PIAS1: variants seen among roughly 807,000 people sequenced by gnomAD.
PIAS1 encodes protein inhibitor of activated STAT 1.
A neutral mutation model predicts 71.3 loss-of-function variants in PIAS1; 6 were observed. The observed-to-expected ratio is 0.08, with a 90% CI of 0.05 to 0.17. The LOEUF (loss-of-function observed/expected upper bound fraction) is 0.17. PIAS1 is among the 10% of genes least tolerant of loss of function. The pLI is 1.00. For synonymous variants in PIAS1, 303 were observed against 292.9 expected (o/e 1.03, Z -0.35); for missense variants, 555 against 793.6 (o/e 0.70, Z 3.61).
chr15:68,113,235 A>G (rs2092537470), intron 2 of PIAS1, among the ~76,000 whole-genome samples: 1 of 152,188 alleles, frequency 6.6e-6, no homozygotes, highest in South Asian at 2.1e-4. Flanking sequence ...ATGTATGTAT[A>G]GGAAAATGCC....
intron 2 of PIAS1, among the ~76,000 whole-genome samples, chr15:68,139,964 A>G (rs1444810375): frequency 6.6e-6 from 1 of 152,154 alleles, no homozygotes; most frequent in Non-Finnish European, 1.5e-5. Context: ...AAAGGTTTTT[A>G]AATAGTTTTA....
At chr15:68,165,387 CTGGGACTATA>C (rs1319687461) in intron 8 of PIAS1, among the ~76,000 whole-genome samples, 4 of 152,156 alleles carry the variant, frequency 2.6e-5, no homozygotes, top group Admixed American at 6.5e-5. Context: ...TCCCAAAGTG[CTGGGACTATA>C]GGTGTGACCC....
chr15:68,101,891 C>G (rs1241988208), intron 2 of PIAS1, among the ~76,000 whole-genome samples: 1 of 152,160 alleles, frequency 6.6e-6, no homozygotes, highest in Non-Finnish European at 1.5e-5. Flanking sequence ...GTTGAGACTA[C>G]AGGTGTGTGC....
rs12438361 is a variant in PIAS1 at position 68,176,357 on chromosome 15, T to C, written c.1301-117T>C. ...AACAGAGCCACTGTTGGTTTTCTAC[T>C]CTCTGGCTCCAACAATATTGTGAAT... On this transcript the variant is annotated intron_variant, in intron 10 of 13. Coordinates refer to ENST00000249636, the MANE Select transcript of PIAS1 (RefSeq NM_016166.3). The C allele has an allele frequency of 0.45, 246,221 of 544,004 alleles. 61,689 individuals are homozygous for C. The highest frequency in any genetic ancestry group is 0.83 in the East Asian group (26,737 of 32,340). The allele number at this position is 544,004 out of a possible 1,614,324, so 33.7% of individuals were successfully genotyped here. A position where few individuals can be genotyped will look rare whatever the true frequency, so the allele number is the denominator to read the frequency against.
At chr15:68,089,058 T>C (rs1399669422) in intron 2 of PIAS1, among the ~76,000 whole-genome samples, 1 of 152,232 alleles carries the variant, frequency 6.6e-6, no homozygotes, top group Non-Finnish European at 1.5e-5. Flanking sequence ...ATTTACTTTT[T>C]CATTTTTTCC....
At chr15:68,088,255 C>T (rs1404032048) in intron 2 of PIAS1, among the ~76,000 whole-genome samples, 8 of 134,810 alleles carry the variant, frequency 5.9e-5, no homozygotes, top group Admixed American at 4.8e-4. Flanking sequence ...TGTATATGGT[C>T]TGTGTACATG....
chr15:68,181,121 G>T (rs543219898), intron 11 of PIAS1, 91 bp from the exon 12 acceptor site: 1 of 1,034,430 alleles, frequency 9.7e-7, no homozygotes, highest in South Asian at 1.4e-5. Flanking sequence ...GCACTAAACC[G>T]AGGGTTCATT....
intron 8 of PIAS1, among the ~76,000 whole-genome samples, chr15:68,169,456 T>C (rs1018821610): frequency 6.6e-6 from 1 of 152,202 alleles, no homozygotes; most frequent in African/African-American, 2.4e-5. Flanking sequence ...TGCAGATCAC[T>C]TGATGCCAGG....
At chr15:68,089,799 G>A (rs1047756869) in intron 2 of PIAS1, among the ~76,000 whole-genome samples, 7 of 151,904 alleles carry the variant, frequency 4.6e-5, no homozygotes, top group East Asian at 3.9e-4. Context: ...CAGTTGATCC[G>A]CCCACCTCGG....
At chr15:68,141,055 C>T (rs1339731877) in intron 2 of PIAS1, among the ~76,000 whole-genome samples, 2 of 152,024 alleles carry the variant, frequency 1.3e-5, no homozygotes, top group East Asian at 1.9e-4. Flanking sequence ...GTACTAAAAG[C>T]CAATGGATGT....
chr15:68,164,125 A>C (rs2092941757), intron 7 of PIAS1, among the ~76,000 whole-genome samples: 1 of 152,196 alleles, frequency 6.6e-6, no homozygotes, highest in Admixed American at 6.5e-5. Context: ...TACTACAAGT[A>C]AAATTAAGCT....
Position 68,187,451 on chromosome 15 carries a change from C to T in PIAS1, c.1663-91C>T, listed in dbSNP as rs995318409. On this transcript the variant is annotated intron_variant, in intron 13 of 13. Transcript: ENST00000249636. This position sits in a 1 kb window ranked among gnomAD's most constrained non-coding sequence, Gnocchi z 5.3. ...CAGAAACCCTAGATACTCAGGCTAT[C>T]TTAAATTTAGGGCTGTGTCCCGCTG... The T allele has an allele frequency of 8.1e-7, 1 of 1,228,530 alleles. No homozygotes were observed. Among genetic ancestry groups the T allele is most frequent in the African/African-American group, 1.5e-5 (1 of 66,408 alleles). 76.1% of individuals were successfully genotyped at this position (1,228,530 alleles called of 1,614,324 possible).
At chr15:68,164,227 A>G (rs2092942509) in intron 7 of PIAS1, among the ~76,000 whole-genome samples, 1 of 152,166 alleles carries the variant, frequency 6.6e-6, no homozygotes, top group Admixed American at 6.5e-5. Context: ...AAAAAAAGAA[A>G]TAGGACTCTT....
rs1419932376 is a variant in PIAS1, at chr15:68,153,447, G to A, written c.829-143G>A. On this transcript the variant is annotated intron_variant, in intron 6 of 13. Coordinates refer to ENST00000249636, the MANE Select transcript of PIAS1 (RefSeq NM_016166.3). Reference sequence around the variant, plus strand: ...TTTGGTCAGGATTAAATGAATTACTGTTCATGAAAACACCTAAGACTGCTT... The same window carrying A: ...TTTGGTCAGGATTAAATGAATTACTATTCATGAAAACACCTAAGACTGCTT... The A allele has an allele frequency of 7.5e-6, 4 of 532,324 alleles. No homozygotes were observed. In the South Asian group the frequency reaches 7.9e-5, roughly 11 times the overall value. The allele number at this position is 532,324 out of a possible 1,614,324, so 33.0% of individuals were successfully genotyped here.
chr15:68,056,770 AAAG>A (rs2091900998), intron 1 of PIAS1, among the ~76,000 whole-genome samples: 2 of 151,588 alleles, frequency 1.3e-5, no homozygotes, highest in South Asian at 2.1e-4. Context: ...GTGTTAAAAA[AAAG>A]AGAATGTGTA....
chr15:68,183,207 C>A (rs74429029), intron 12 of PIAS1, among the ~76,000 whole-genome samples: 3,374 of 152,276 alleles, frequency 0.022, 124 homozygotes, highest in African/African-American at 0.077. Flanking sequence ...ACTTACTTAA[C>A]CTAACTCTTT....
At chr15:68,132,476 A>C (rs558978135) in intron 2 of PIAS1, among the ~76,000 whole-genome samples, 1 of 144,052 alleles carries the variant, frequency 6.9e-6, no homozygotes, top group African/African-American at 2.6e-5. Context: ...CTCTGTCTCT[A>C]AAAAAAAAAG....
chr15:68,161,794 G>T (rs1242078680), intron 7 of PIAS1, among the ~76,000 whole-genome samples: 1 of 151,936 alleles, frequency 6.6e-6, no homozygotes, highest in African/African-American at 2.4e-5. Flanking sequence ...CTGAGCCATG[G>T]TGGTGCACAC....
intron 1 of PIAS1, among the ~76,000 whole-genome samples, chr15:68,070,033 T>C (rs1281508529): frequency 6.6e-6 from 1 of 152,084 alleles, no homozygotes; most frequent in Non-Finnish European, 1.5e-5. Context: ...CTAAAGGTAG[T>C]TTTTGGAGGA....
Sources: gnomAD v4.1 joint callset for allele counts (sites outside exome capture counted in the v4.1 genomes callset) on GRCh38, gnomAD v4.1.1 for gene constraint, Gnocchi (gnomAD v3.1) non-coding constraint, MANE v1.5 for transcripts, NCBI Gene and HGNC (gene_info 2026-07-23, HGNC 2026-07-21) for gene names.